Variants in CADM2 observed in about 807,000 individuals in gnomAD.
CADM2 encodes immunoglobulin superfamily member 4D.
Under a neutral mutation model 49.8 loss-of-function variants are expected in CADM2, and 12 were observed. That is an observed-to-expected ratio of 0.24 (90% CI 0.15 to 0.39). The LOEUF (loss-of-function observed/expected upper bound fraction) is 0.39. CADM2 is among the 10% of genes least tolerant of loss of function. CADM2 has a pLI of 1.00. For synonymous variants in CADM2, 214 were observed against 175.4 expected, an observed-to-expected ratio of 1.22 and a Z score of -1.74; for missense variants, 378 against 492.3, an observed-to-expected ratio of 0.77 and a Z score of 2.20.
At chr3:85,735,378 T>C (rs1291281000) in intron 2 of CADM2, among the ~76,000 whole-genome samples, 1 of 152,068 alleles carries the variant, frequency 6.6e-6, no homozygotes, top group Non-Finnish European at 1.5e-5. Flanking sequence ...ATTTGAGCAA[T>C]ATTCAACAGC....
intron 1 of CADM2, among the ~76,000 whole-genome samples, chr3:85,189,407 C>G (rs2041148530): frequency 6.6e-6 from 1 of 151,746 alleles, no homozygotes; most frequent in South Asian, 2.1e-4. Context: ...TAAAGTGAAC[C>G]AGGGATTTGA....
chr3:85,938,817 C>T (rs923091328), intron 7 of CADM2, among the ~76,000 whole-genome samples: 1 of 151,780 alleles, frequency 6.6e-6, no homozygotes, highest in Non-Finnish European at 1.5e-5. Flanking sequence ...TCATCTTTAT[C>T]ATTTATCTGA....
At chr3:85,950,286 T>C (rs2108584418) in intron 7 of CADM2, among the ~76,000 whole-genome samples, 1 of 151,370 alleles carries the variant, frequency 6.6e-6, no homozygotes, top group African/African-American at 2.4e-5. Context: ...AGATTAGGCA[T>C]GGGTAATTGT....
intron 1 of CADM2, among the ~76,000 whole-genome samples, chr3:85,717,706 G>A (rs576726727): frequency 6.6e-6 from 1 of 152,042 alleles, no homozygotes; most frequent in South Asian, 2.1e-4. Flanking sequence ...AAGCGTTGTT[G>A]AATTATATCG....
intron 8 of CADM2, among the ~76,000 whole-genome samples, chr3:86,062,857 C>G (rs151307645): frequency 1.3e-5 from 2 of 151,090 alleles, no homozygotes; most frequent in African/African-American, 4.9e-5. Flanking sequence ...TTACTTACTC[C>G]TTTGACTCTC....
chr3:85,809,626 G>A (rs1270690837), intron 3 of CADM2, among the ~76,000 whole-genome samples: 1 of 151,696 alleles, frequency 6.6e-6, no homozygotes, highest in Non-Finnish European at 1.5e-5. Context: ...TTCACTTTGT[G>A]TTTCATTATG....
At chr3:86,066,332 CAAAA>C (rs10663610) in intron 9 of CADM2, among the ~76,000 whole-genome samples, 9 of 30,358 alleles carry the variant, frequency 3.0e-4, no homozygotes, top group East Asian at 1.9e-3. Context: ...GACTCCGTCT[CAAAA>C]AAAAAAAAAA....
chr3:85,596,315 T>C (rs1267206142), intron 1 of CADM2, among the ~76,000 whole-genome samples: 4 of 152,012 alleles, frequency 2.6e-5, no homozygotes, highest in East Asian at 1.9e-4. Flanking sequence ...AAAATATTTC[T>C]AGTTAAATTT....
At chr3:85,463,314 C>G (rs2038337994) in intron 1 of CADM2, among the ~76,000 whole-genome samples, 1 of 152,104 alleles carries the variant, frequency 6.6e-6, no homozygotes, top group Non-Finnish European at 1.5e-5. Flanking sequence ...CATATTCTCT[C>G]TAAGGGGCTC....
At chr3:85,821,128 A>G (rs1250177704) in intron 3 of CADM2, among the ~76,000 whole-genome samples, 2 of 152,186 alleles carry the variant, frequency 1.3e-5, no homozygotes, top group Non-Finnish European at 2.9e-5. Context: ...TCTGCATACA[A>G]TATGATTCCT....
At chr3:85,340,994 C>T (rs182509711) in intron 1 of CADM2, among the ~76,000 whole-genome samples, 2 of 151,758 alleles carry the variant, frequency 1.3e-5, no homozygotes, top group African/African-American at 4.8e-5. Flanking sequence ...CTAATATTTA[C>T]ATTGTTGTAA....
chr3:85,743,751 A>G (rs1425936786), intron 2 of CADM2, among the ~76,000 whole-genome samples: 1 of 152,208 alleles, frequency 6.6e-6, no homozygotes, highest in Non-Finnish European at 1.5e-5. Flanking sequence ...AAAACAATTT[A>G]AACTCAAAGG....
rs1739624552 is a variant in CADM2 at position 86,069,169 on chromosome 3, T to G, written c.*2386T>G. 6.6e-6 allele frequency: 1 copy of G among 151,970 alleles called. No individual in the cohort carries two copies. Among genetic ancestry groups the G allele is most frequent in the Admixed American group, 6.6e-5 (1 of 15,248 alleles). 9.4% of individuals were successfully genotyped at this position (151,970 alleles called of 1,614,324 possible). A position where few individuals can be genotyped will look rare whatever the true frequency, so the allele number is the denominator to read the frequency against. Reference sequence around the variant, plus strand: ...CTCTTCATTTCATCTATATTCTACTTGGCTCCAACAACTAAATTGTTGCCT... The same window carrying G: ...CTCTTCATTTCATCTATATTCTACTGGGCTCCAACAACTAAATTGTTGCCT... On this transcript the variant is annotated 3_prime_UTR_variant, in exon 10 of 10. Transcript: ENST00000383699.
intron 1 of CADM2, among the ~76,000 whole-genome samples, chr3:85,021,387 A>G (rs1249126486): frequency 2.0e-5 from 3 of 152,212 alleles, no homozygotes; most frequent in African/African-American, 4.8e-5. Context: ...CGAGAATGTC[A>G]CCTTTATGAA....
intron 8 of CADM2, among the ~76,000 whole-genome samples, chr3:86,022,562 C>CATT (rs1733337564): frequency 6.6e-6 from 1 of 152,084 alleles, no homozygotes; most frequent in African/African-American, 2.4e-5. Context: ...GTCTTTTTAT[C>CATT]ATTATAACCT....
rs766072450 is a variant in CADM2 at position 85,912,451 on chromosome 3, G to A, written c.608G>A (p.Arg203Gln). 3.7e-6 allele frequency: 6 copies of A among 1,613,968 alleles called. No homozygotes were observed. Among genetic ancestry groups the A allele is most frequent in the Non-Finnish European group, 3.4e-6 (4 of 1,179,992 alleles). ...VSSTLDFRVD[R>Q]SDDGVAVICR... ...AGCACACTGGACTTCCGAGTGGACC[G>A]GAGTGATGATGGAGTGGCGGTCATC... Residue 203 changes from arginine (R) to glutamine (Q), a missense_variant, in exon 6 of 10, where the codon CGG becomes CAG. By Grantham distance (43) the Arg-to-Gln change is conservative. Transcript: ENST00000383699.
chr3:85,589,199 A>G (rs2063032333), intron 1 of CADM2, among the ~76,000 whole-genome samples: 1 of 151,886 alleles, frequency 6.6e-6, no homozygotes, highest in African/African-American at 2.4e-5. Context: ...TCATTTTACC[A>G]CTTCACTGTT....
chr3:85,000,446 C>CA (rs11413605), intron 1 of CADM2, among the ~76,000 whole-genome samples: 7,356 of 147,502 alleles, frequency 0.05, 223 homozygotes, highest in African/African-American at 0.081. Context: ...ACTTTGTTCA[C>CA]AAAAAAAAAC....
intron 1 of CADM2, among the ~76,000 whole-genome samples, chr3:85,270,739 A>G (rs182212082): frequency 6.6e-6 from 1 of 151,420 alleles, no homozygotes. Context: ...AAAGCTCACT[A>G]TTAAGTAGAA....
Sources: allele counts gnomAD v4.1 joint callset (sites outside exome capture counted in the v4.1 genomes callset), GRCh38; gene constraint gnomAD v4.1.1; transcripts MANE v1.5; gene names NCBI Gene and HGNC (gene_info 2026-07-23, HGNC 2026-07-21).